PPARGC1A: variants seen among roughly 807,000 people sequenced by gnomAD.
The protein encoded by PPARGC1A is PPARG coactivator 1 alpha.
PPARGC1A carries 25 observed loss-of-function variants against 88.7 expected under a neutral mutation model. That is an observed-to-expected ratio of 0.28 (90% CI 0.21 to 0.39). The LOEUF is 0.39. Ranked by LOEUF, PPARGC1A falls within the 10% of genes least tolerant of loss-of-function variation. The pLI, the probability that PPARGC1A is intolerant of heterozygous loss-of-function variation, is 1.00. For missense variants in PPARGC1A, 880 were observed against 968.7 expected (o/e 0.91, Z 1.22); for synonymous variants, 363 against 355.6 (o/e 1.02, Z -0.24).
At chr4:23,879,441 G>A (rs1268321783) in intron 2 of PPARGC1A, among the ~76,000 whole-genome samples, 1 of 152,184 alleles carries the variant, frequency 6.6e-6, no homozygotes, top group Non-Finnish European at 1.5e-5. Context: ...GTCTAGGAAA[G>A]TACTTCAGCT....
the PPARGC1A span, among the ~76,000 whole-genome samples, chr4:24,335,571 T>G: frequency 1.3e-5 from 2 of 152,214 alleles, no homozygotes; most frequent in Non-Finnish European, 2.9e-5. Context: ...TAGAAAAAAG[T>G]GATACCTCAA....
At chr4:24,055,528 A>C in the PPARGC1A span, among the ~76,000 whole-genome samples, 61 of 152,380 alleles carry the variant, frequency 4.0e-4, no homozygotes, top group Non-Finnish European at 7.2e-4. Flanking sequence ...ATAAGAACCC[A>C]TTTCATGGGA....
At chr4:24,078,492 T>A in the PPARGC1A span, among the ~76,000 whole-genome samples, 3 of 152,094 alleles carry the variant, frequency 2.0e-5, no homozygotes, top group Non-Finnish European at 4.4e-5. Flanking sequence ...TGTCCCCTAG[T>A]CCAGATATCT....
chr4:23,800,720 A>G (rs754973663), intron 12 of PPARGC1A, among the ~76,000 whole-genome samples: 16 of 151,502 alleles, frequency 1.1e-4, no homozygotes, highest in Non-Finnish European at 1.8e-4. Flanking sequence ...AGGCTGATAC[A>G]TGATTTTAAT....
the PPARGC1A span, among the ~76,000 whole-genome samples, chr4:24,078,443 T>A: frequency 6.6e-6 from 1 of 152,130 alleles, no homozygotes; most frequent in South Asian, 2.1e-4. Context: ...CTCCTTATTT[T>A]CCTTATTCCA....
chr4:24,312,169 C>T, the PPARGC1A span, among the ~76,000 whole-genome samples: 1 of 152,200 alleles, frequency 6.6e-6, no homozygotes, highest in African/African-American at 2.4e-5. Context: ...CCAGTAATGA[C>T]ATCCCCACCA....
the PPARGC1A span, among the ~76,000 whole-genome samples, chr4:23,937,472 A>G: frequency 1.3e-5 from 2 of 152,152 alleles, no homozygotes; most frequent in East Asian, 3.9e-4. Context: ...CCAGCCCACA[A>G]CTTCCTTTTT....
the PPARGC1A span, among the ~76,000 whole-genome samples, chr4:24,011,125 G>T: frequency 6.6e-6 from 1 of 152,174 alleles, no homozygotes; most frequent in Admixed American, 6.5e-5. Context: ...TAAAACTGCA[G>T]ATTGCCAACA....
chr4:24,108,552 G>T, the PPARGC1A span, among the ~76,000 whole-genome samples: 1 of 152,138 alleles, frequency 6.6e-6, no homozygotes, highest in African/African-American at 2.4e-5. Context: ...TAGCCAATGT[G>T]CTGTATCCTG....
chr4:24,229,770 G>A, the PPARGC1A span, among the ~76,000 whole-genome samples: 1 of 151,788 alleles, frequency 6.6e-6, no homozygotes, highest in Admixed American at 6.6e-5. Context: ...ACTTGAACCC[G>A]GGAGGCAGAG....
At chr4:23,951,889 C>T in the PPARGC1A span, among the ~76,000 whole-genome samples, 1 of 152,062 alleles carries the variant, frequency 6.6e-6, no homozygotes, top group South Asian at 2.1e-4. Context: ...AATATTTGAA[C>T]AGTTATTAAT....
At chr4:24,270,546 A>G in the PPARGC1A span, among the ~76,000 whole-genome samples, 1 of 152,198 alleles carries the variant, frequency 6.6e-6, no homozygotes, top group African/African-American at 2.4e-5. Context: ...AAATTCCCAG[A>G]AAGATTATGA....
chr4:24,119,920 A>C, the PPARGC1A span, among the ~76,000 whole-genome samples: 1 of 152,192 alleles, frequency 6.6e-6, no homozygotes, highest in Non-Finnish European at 1.5e-5. Context: ...TTTATTAGCC[A>C]TCATAAATTA....
At chr4:24,204,401 A>G in the PPARGC1A span, among the ~76,000 whole-genome samples, 2 of 152,022 alleles carry the variant, frequency 1.3e-5, no homozygotes, top group Non-Finnish European at 2.9e-5. Flanking sequence ...GGTAAATAGT[A>G]CCTGCATAAT....
chr4:24,228,588 C>T, the PPARGC1A span, among the ~76,000 whole-genome samples: 1 of 152,030 alleles, frequency 6.6e-6, no homozygotes, highest in East Asian at 1.9e-4. Flanking sequence ...TCCCAAACCT[C>T]AGCATCAAGC....
At chr4:24,207,336 C>T in the PPARGC1A span, among the ~76,000 whole-genome samples, 2 of 152,160 alleles carry the variant, frequency 1.3e-5, no homozygotes, top group African/African-American at 4.8e-5. Context: ...CTAACATAGT[C>T]CCAATACCCA....
the PPARGC1A span, among the ~76,000 whole-genome samples, chr4:23,975,871 T>C: frequency 9.9e-5 from 15 of 152,254 alleles, no homozygotes; most frequent in Non-Finnish European, 2.1e-4. Context: ...ATTTACAATA[T>C]TCAAATAGCA....
the PPARGC1A span, among the ~76,000 whole-genome samples, chr4:24,308,015 G>C: frequency 6.6e-6 from 1 of 152,084 alleles, no homozygotes; most frequent in Admixed American, 6.5e-5. Flanking sequence ...GATCGGGCTG[G>C]GTGCGGTGGC....
At chr4:24,067,485 G>T in the PPARGC1A span, among the ~76,000 whole-genome samples, 3 of 152,234 alleles carry the variant, frequency 2.0e-5, no homozygotes, top group Middle Eastern at 0.01. Context: ...GTATCATTCC[G>T]CGTATGCTCA....
Sources: gnomAD v4.1 joint callset for allele counts (sites outside exome capture counted in the v4.1 genomes callset) on GRCh38, gnomAD v4.1.1 for gene constraint, MANE v1.5 for transcripts, NCBI Gene and HGNC (gene_info 2026-07-23, HGNC 2026-07-21) for gene names.